The following PPP1R1C variants were observed in gnomAD, a reference collection of about 807,000 sequenced individuals.
PPP1R1C encodes protein phosphatase 1 regulatory subunit 1C.
Under a neutral mutation model 17.4 loss-of-function variants are expected in PPP1R1C, and 15 were observed. The ratio of observed to expected loss-of-function variants is 0.86; its 90% CI spans 0.58 to 1.33. The LOEUF (loss-of-function observed/expected upper bound fraction) is 1.33. Ranked by LOEUF, PPP1R1C falls within the 40% of genes most tolerant of loss-of-function variation. The pLI is 0.00. For missense variants in PPP1R1C, 143 were observed against 130.0 expected (o/e 1.10, Z -0.48); for synonymous variants, 35 against 43.1 (o/e 0.81, Z 0.73).
chr2:182,062,490 T>A (rs547925149), intron 3 of PPP1R1C, among the ~76,000 whole-genome samples: 2 of 152,202 alleles, frequency 1.3e-5, no homozygotes, highest in Admixed American at 1.3e-4. Flanking sequence ...GCCCCAGAAA[T>A]GTCAATCATC....
intron 2 of PPP1R1C, among the ~76,000 whole-genome samples, chr2:182,032,862 C>T (rs992782529): frequency 6.6e-6 from 1 of 152,124 alleles, no homozygotes; most frequent in Non-Finnish European, 1.5e-5. Flanking sequence ...TCAATATATT[C>T]AAGCCTCTTA....
downstream of PPP1R1C, among the ~76,000 whole-genome samples, chr2:182,121,789 C>G (rs1164828052): frequency 2.0e-5 from 3 of 152,082 alleles, no homozygotes; most frequent in Non-Finnish European, 4.4e-5. Flanking sequence ...GGCGTGAGCC[C>G]CCGTTCCCGG....
downstream of PPP1R1C, among the ~76,000 whole-genome samples, chr2:182,122,346 A>C (rs1689754139): frequency 6.6e-6 from 1 of 152,104 alleles, no homozygotes; most frequent in African/African-American, 2.4e-5. Flanking sequence ...TTTTTTTTAT[A>C]GTTACAAATA....
intron 2 of PPP1R1C, among the ~76,000 whole-genome samples, chr2:181,989,496 A>G (rs1400243236): frequency 6.6e-6 from 1 of 152,198 alleles, no homozygotes; most frequent in Admixed American, 6.5e-5. Flanking sequence ...ATCAGTTTGC[A>G]CTACATGGTG....
chr2:182,105,828 C>CA (rs1264752639), intron 4 of PPP1R1C, among the ~76,000 whole-genome samples: 1 of 152,130 alleles, frequency 6.6e-6, no homozygotes, highest in African/African-American at 2.4e-5. Context: ...ATACACAATT[C>CA]AACGCTATGG....
chr2:182,096,932 G>T (rs1688958289), intron 4 of PPP1R1C, among the ~76,000 whole-genome samples: 1 of 152,142 alleles, frequency 6.6e-6, no homozygotes. Flanking sequence ...CTTGGTGTCA[G>T]GATTAATTTA....
upstream of PPP1R1C, among the ~76,000 whole-genome samples, chr2:181,983,606 C>T (rs1050454428): frequency 1.3e-5 from 2 of 152,134 alleles, no homozygotes; most frequent in Non-Finnish European, 2.9e-5. Flanking sequence ...TTTAAAAGGA[C>T]TTCAAATACC....
intron 2 of PPP1R1C, among the ~76,000 whole-genome samples, chr2:182,009,625 A>T (rs1047717537): frequency 4.6e-5 from 7 of 152,078 alleles, no homozygotes; most frequent in Non-Finnish European, 1.0e-4. Context: ...GAAGCTTTCT[A>T]ACTGGATATG....
At chr2:182,074,243 A>G (rs1004855592) in intron 4 of PPP1R1C, among the ~76,000 whole-genome samples, 37 of 151,960 alleles carry the variant, frequency 2.4e-4, no homozygotes, top group African/African-American at 3.6e-4. Flanking sequence ...GGGTTTCACC[A>G]TATTAGCCAG....
chr2:181,973,803 G>A (rs1287052274), intron 1 of PPP1R1C, among the ~76,000 whole-genome samples: 1 of 152,094 alleles, frequency 6.6e-6, no homozygotes, highest in East Asian at 1.9e-4. Flanking sequence ...GTAATGTATG[G>A]CCCCACTGAC....
intron 4 of PPP1R1C, among the ~76,000 whole-genome samples, chr2:182,082,883 C>T (rs1168436763): frequency 6.6e-6 from 1 of 152,100 alleles, no homozygotes; most frequent in Non-Finnish European, 1.5e-5. Flanking sequence ...GAAGCTGCAA[C>T]ACTTGGTGGA....
intron 1 of PPP1R1C, among the ~76,000 whole-genome samples, chr2:181,971,526 C>T (rs1012872588): frequency 2.6e-5 from 4 of 152,154 alleles, no homozygotes; most frequent in African/African-American, 9.7e-5. Context: ...GCTGTGCTGC[C>T]TGGGGTTGGG....
chr2:182,023,656 G>T (rs767414549), intron 2 of PPP1R1C, among the ~76,000 whole-genome samples: 81 of 151,972 alleles, frequency 5.3e-4, no homozygotes, highest in Admixed American at 2.6e-3. Flanking sequence ...ATTTTCCTCT[G>T]GTTCCTCAGG....
At chr2:181,994,291 G>T (rs1335978612) in intron 2 of PPP1R1C, among the ~76,000 whole-genome samples, 2 of 152,116 alleles carry the variant, frequency 1.3e-5, no homozygotes, top group African/African-American at 4.8e-5. Context: ...TATTCCAACA[G>T]TATGTAGAAA....
intron 4 of PPP1R1C, among the ~76,000 whole-genome samples, chr2:182,075,275 A>C (rs762796046): frequency 2.0e-5 from 3 of 152,208 alleles, no homozygotes; most frequent in Non-Finnish European, 4.4e-5. Flanking sequence ...AGGCGATCTT[A>C]GGAAAAGATT....
intron 1 of PPP1R1C, among the ~76,000 whole-genome samples, chr2:181,965,525 GT>G (rs1684890526): frequency 6.6e-6 from 1 of 152,154 alleles, no homozygotes; most frequent in South Asian, 2.1e-4. Flanking sequence ...TAAATATTCA[GT>G]TTTCCTGGCA....
intron 2 of PPP1R1C, among the ~76,000 whole-genome samples, chr2:182,046,093 TTTCCTTCCTTCCTTCC>T (rs56180506): frequency 4.8e-4 from 69 of 144,092 alleles, no homozygotes; most frequent in South Asian, 1.4e-3. Context: ...CCCTCCTACA[TTTCCTTCCTTCCTTCC>T]TTCCTTCCTT....
At chr2:182,043,516 GC>G (rs1284153312) in intron 2 of PPP1R1C, among the ~76,000 whole-genome samples, 1 of 150,784 alleles carries the variant, frequency 6.6e-6, no homozygotes, top group Non-Finnish European at 1.5e-5. Flanking sequence ...CCACATATAT[GC>G]CCAGACATGG....
chr2:182,101,770 C>G (rs954945424), intron 4 of PPP1R1C, among the ~76,000 whole-genome samples: 2 of 152,268 alleles, frequency 1.3e-5, no homozygotes, highest in East Asian at 1.9e-4. Context: ...TCTTTCCACC[C>G]TAAAAAGTCA....
Sources: allele counts gnomAD v4.1 joint callset (sites outside exome capture counted in the v4.1 genomes callset), GRCh38; gene constraint gnomAD v4.1.1; transcripts MANE v1.5; gene names NCBI Gene and HGNC (gene_info 2026-07-23, HGNC 2026-07-21).